The following ZNF423 variants were observed in gnomAD, a reference collection of about 807,000 sequenced individuals.
The protein encoded by ZNF423 is zinc finger protein 423.
A neutral mutation model predicts 95.8 loss-of-function variants in ZNF423; 12 were observed. The ratio of observed to expected loss-of-function variants is 0.13; its 90% confidence interval spans 0.08 to 0.20. The LOEUF (loss-of-function observed/expected upper bound fraction) is 0.20, where lower values mean the gene tolerates loss of function less well. Among genes scored for constraint, ZNF423 ranks in the 10% least tolerant of loss-of-function variants. The probability of loss-of-function intolerance (pLI) is 1.00; values close to 1 mark genes in which losing one functional copy is unlikely to be tolerated. For synonymous variants in ZNF423, 749 were observed against 711.9 expected, an observed-to-expected ratio of 1.05 and a Z score of -0.83; for missense variants, 1,316 against 1,737.1, an observed-to-expected ratio of 0.76 and a Z score of 4.31.
At position 49,523,748 on chromosome 16, in the gene ZNF423, A is replaced by G; in HGVS notation, c.3734-9T>C. ...GTTGGCCTGGACGAAGACTAGACAC[A>G]GACACGGCTGTCAGGGCCAAGCTCA... On this transcript the variant is annotated splice_polypyrimidine_tract_variant and intron_variant, in intron 6 of 7. Coordinates refer to ENST00000563137, the MANE Select transcript of ZNF423 (RefSeq NM_001379286.1). 1 of 1,611,398 alleles carries G rather than the reference A, an allele frequency of 6.2e-7. No individual in the cohort carries two copies. Among genetic ancestry groups the G allele is most frequent in the Non-Finnish European group, 8.5e-7 (1 of 1,179,512 alleles).
intron 3 of ZNF423, among the ~76,000 whole-genome samples, chr16:49,672,112 T>C (rs916985980): frequency 6.6e-6 from 1 of 152,170 alleles, no homozygotes; most frequent in African/African-American, 2.4e-5. Context: ...TTGGGAACAC[T>C]CCAGCAGCAG....
At chr16:49,601,635 G>A (rs1238560064) in intron 5 of ZNF423, among the ~76,000 whole-genome samples, 3 of 152,270 alleles carry the variant, frequency 2.0e-5, no homozygotes, top group African/African-American at 7.2e-5. Flanking sequence ...ATAAAAGGCA[G>A]CCCTCTCTGT....
chr16:49,828,069 C>A (rs2035024898), intron 1 of ZNF423, among the ~76,000 whole-genome samples: 1 of 152,220 alleles, frequency 6.6e-6, no homozygotes, highest in Admixed American at 6.5e-5. Context: ...TCACGAAATT[C>A]ACAGTGGCCT....
intron 4 of ZNF423, among the ~76,000 whole-genome samples, chr16:49,633,998 G>A (rs533319507): frequency 3.3e-5 from 5 of 150,574 alleles, no homozygotes; most frequent in South Asian, 2.1e-4. Flanking sequence ...CCTCTGCCTC[G>A]TGGGTTCAAG....
At chr16:49,646,472 C>T (rs1973171030) in intron 3 of ZNF423, among the ~76,000 whole-genome samples, 1 of 152,116 alleles carries the variant, frequency 6.6e-6, no homozygotes, top group South Asian at 2.1e-4. Context: ...GGGTGCATAG[C>T]TCCTCCCTCA....
intron 7 of ZNF423, among the ~76,000 whole-genome samples, chr16:49,509,803 C>A (rs1231929828): frequency 1.3e-5 from 2 of 152,196 alleles, no homozygotes; most frequent in Non-Finnish European, 2.9e-5. Flanking sequence ...GGTGTTAGGA[C>A]AATGGTTGTA....
chr16:49,842,005 T>A (rs1250924878), intron 1 of ZNF423, among the ~76,000 whole-genome samples: 1 of 151,512 alleles, frequency 6.6e-6, no homozygotes, highest in Non-Finnish European at 1.5e-5. Flanking sequence ...GGGAGGCCCA[T>A]GCGGGCGGAT....
intron 5 of ZNF423, among the ~76,000 whole-genome samples, chr16:49,620,542 T>C (rs966875169): frequency 6.6e-6 from 1 of 152,048 alleles, no homozygotes; most frequent in Non-Finnish European, 1.5e-5. Context: ...GGCCTGGCTC[T>C]GGCCTGGCTG....
chr16:49,514,048 A>T (rs8046661), intron 7 of ZNF423, among the ~76,000 whole-genome samples: 15 of 151,136 alleles, frequency 9.9e-5, no homozygotes, highest in East Asian at 2.0e-4. Context: ...TTCTGTTCTG[A>T]GAACACCCCA....
intron 7 of ZNF423, among the ~76,000 whole-genome samples, chr16:49,513,003 G>A (rs556745038): frequency 2.1e-4 from 32 of 152,304 alleles, no homozygotes; most frequent in African/African-American, 7.5e-4. Flanking sequence ...GGCTGAAGCA[G>A]GAGAATCACT....
chr16:49,727,539 G>C (rs995392275), intron 3 of ZNF423, among the ~76,000 whole-genome samples: 5 of 151,842 alleles, frequency 3.3e-5, no homozygotes, highest in Non-Finnish European at 7.4e-5. Context: ...TTTTCAGGAA[G>C]AGCCACATTC....
At chr16:49,499,974 G>C (rs1032634142) in intron 7 of ZNF423, among the ~76,000 whole-genome samples, 1 of 152,190 alleles carries the variant, frequency 6.6e-6, no homozygotes, top group Admixed American at 6.5e-5. Context: ...ACTCAGGGGA[G>C]CTGCACTTCA....
chr16:49,594,454 A>G (rs1005491189), intron 5 of ZNF423, among the ~76,000 whole-genome samples: 6 of 152,160 alleles, frequency 3.9e-5, no homozygotes, highest in Non-Finnish European at 1.5e-5. Context: ...GCATACTGAC[A>G]CAAACAGAAA....
At chr16:49,715,874 CA>C (rs1034497270) in intron 3 of ZNF423, among the ~76,000 whole-genome samples, 17 of 150,856 alleles carry the variant, frequency 1.1e-4, no homozygotes, top group African/African-American at 4.2e-4. Flanking sequence ...CCCATGTATG[CA>C]AAAAATCAAA....
intron 3 of ZNF423, among the ~76,000 whole-genome samples, chr16:49,669,482 G>A (rs2030707378): frequency 6.6e-6 from 1 of 152,210 alleles, no homozygotes. Context: ...CCCCTGCCCA[G>A]CACAGATTCA....
At chr16:49,554,458 GT>G (rs879349568) in intron 5 of ZNF423, among the ~76,000 whole-genome samples, 2 of 152,018 alleles carry the variant, frequency 1.3e-5, no homozygotes, top group African/African-American at 2.4e-5. Context: ...TCCCTACTTT[GT>G]CCAGTCTAAA....
At chr16:49,717,208 C>T (rs368795527) in intron 3 of ZNF423, among the ~76,000 whole-genome samples, 1 of 152,054 alleles carries the variant, frequency 6.6e-6, no homozygotes, top group East Asian at 1.9e-4. Flanking sequence ...CAGGTCTCAT[C>T]CCCACTCCCC....
At chr16:49,594,134 G>A (rs975202350) in intron 5 of ZNF423, among the ~76,000 whole-genome samples, 1 of 152,150 alleles carries the variant, frequency 6.6e-6, no homozygotes, top group Non-Finnish European at 1.5e-5. Context: ...CAGAAGTGGG[G>A]ACATATCTGG....
chr16:49,610,419 G>A (rs1026576595), intron 5 of ZNF423, among the ~76,000 whole-genome samples: 2 of 152,082 alleles, frequency 1.3e-5, no homozygotes, highest in African/African-American at 4.8e-5. Context: ...GGGACCTACG[G>A]GAGGTAACTT....
Sources: gnomAD v4.1 joint callset for allele counts (sites outside exome capture counted in the v4.1 genomes callset) on GRCh38, gnomAD v4.1.1 for gene constraint, MANE v1.5 for transcripts, NCBI Gene and HGNC (gene_info 2026-07-23, HGNC 2026-07-21) for gene names.